Variants in ATP7B observed in about 807,000 individuals in gnomAD.
ATP7B encodes the protein copper-transporting ATPase 2.
ATP7B carries 113 observed loss-of-function variants against 118.9 expected under a neutral mutation model. The observed-to-expected ratio is 0.95, with a 90% CI of 0.82 to 1.11. The LOEUF (loss-of-function observed/expected upper bound fraction) is 1.11. ATP7B is among the 50% of genes most tolerant of loss of function. The pLI is 0.00. For synonymous variants in ATP7B, 777 were observed against 727.4 expected, an observed-to-expected ratio of 1.07 and a Z score of -1.10; for missense variants, 1,867 against 1,871.4, an observed-to-expected ratio of 1.00 and a Z score of 0.04.
At chr13:51,996,886 C>G (rs1210384312) in intron 1 of ATP7B, among the ~76,000 whole-genome samples, 2 of 152,228 alleles carry the variant, frequency 1.3e-5, no homozygotes, top group African/African-American at 4.8e-5. Flanking sequence ...TTCTTATCTC[C>G]TAAGTGCTCA....
chr13:51,967,480 T>G (rs952972353), intron 4 of ATP7B, among the ~76,000 whole-genome samples: 3 of 152,230 alleles, frequency 2.0e-5, no homozygotes, highest in African/African-American at 7.2e-5. Flanking sequence ...ATCCAGAGGT[T>G]TGCAGCAGAG....
intron 9 of ATP7B, among the ~76,000 whole-genome samples, chr13:51,952,824 G>C (rs751667531): frequency 5.9e-5 from 9 of 152,198 alleles, no homozygotes; most frequent in Non-Finnish European, 1.0e-4. Flanking sequence ...TACACAGTAA[G>C]TGCCCAATGA....
chr13:51,960,255 G>A lies in ATP7B; in HGVS notation c.2014C>T (p.Leu672=). 6.2e-7 allele frequency: 1 copy of A among 1,613,870 alleles called. No individual in the cohort carries two copies. The highest frequency in any genetic ancestry group is 8.5e-7 in the Non-Finnish European group (1 of 1,179,772). ...TGGTGGGGCTCGTTGCTGGGTATCA[G>A]CATATAGATCATTAAGGCCATGACA... ...IPVMALMIYM[L]IPSNEPHQSM... The change falls in exon 7 of 21, where the codon CTG becomes TTG. Residue 672 remains leucine, a synonymous_variant. Transcript: ENST00000242839.
chr13:51,970,161 A>T (rs1291623997), intron 3 of ATP7B, among the ~76,000 whole-genome samples: 1 of 152,198 alleles, frequency 6.6e-6, no homozygotes, highest in Non-Finnish European at 1.5e-5. Flanking sequence ...TTCATTTTAT[A>T]GTAAGGGGTT....
At chr13:52,009,146 C>G (rs1953909953) in intron 1 of ATP7B, among the ~76,000 whole-genome samples, 1 of 152,108 alleles carries the variant, frequency 6.6e-6, no homozygotes, top group South Asian at 2.1e-4. Context: ...TTACTAGTAC[C>G]TGAAATAAAG....
At chr13:51,966,775 C>T (rs539125258) in intron 4 of ATP7B, 487 of 1,599,328 alleles carry the variant, frequency 3.0e-4, no homozygotes, top group Non-Finnish European at 3.9e-4. Flanking sequence ...AGGAAGATGG[C>T]GCCTGCTGGA....
intron 9 of ATP7B, among the ~76,000 whole-genome samples, chr13:51,952,290 C>A (rs115748746): frequency 0.017 from 2,516 of 152,276 alleles, 74 homozygotes; most frequent in Admixed American, 0.085. Flanking sequence ...ATGGCATGGG[C>A]CCAACAGAAT....
At chr13:51,977,298 A>G (rs1952170887) in intron 1 of ATP7B, among the ~76,000 whole-genome samples, 1 of 151,664 alleles carries the variant, frequency 6.6e-6, no homozygotes, top group Non-Finnish European at 1.5e-5. Flanking sequence ...CACACTGGAC[A>G]GCTTTATCAA....
intron 12 of ATP7B, among the ~76,000 whole-genome samples, chr13:51,947,366 A>C (rs1264527099): frequency 1.3e-5 from 2 of 152,162 alleles, no homozygotes; most frequent in South Asian, 2.1e-4. Flanking sequence ...TTTTCTTTGT[A>C]CCCAAAACAA....
At chr13:51,951,140 A>G (rs1025115307) in intron 9 of ATP7B, among the ~76,000 whole-genome samples, 1 of 152,054 alleles carries the variant, frequency 6.6e-6, no homozygotes, top group Non-Finnish European at 1.5e-5. Context: ...AGGCTGTTGC[A>G]GCAGCCCAAG....
intron 16 of ATP7B, among the ~76,000 whole-genome samples, chr13:51,939,940 C>T (rs1258944226): frequency 2.0e-5 from 3 of 148,488 alleles, no homozygotes; most frequent in Non-Finnish European, 4.5e-5. Context: ...AAAGTAAAGA[C>T]TCTAATCTCT....
Position 51,958,430 on chromosome 13 carries a change from C to A in ATP7B, c.2236G>T (p.Val746Phe). 6.2e-7 allele frequency: 1 copy of A among 1,614,192 alleles called. No homozygotes were observed. The highest frequency in any genetic ancestry group is 8.5e-7 in the Non-Finnish European group (1 of 1,180,052). The change falls in exon 8 of 21, where the codon GTC (valine) becomes TTC (phenylalanine). Residue 746 changes from valine to phenylalanine, a missense_variant. Coordinates refer to ENST00000242839, the MANE Select transcript of ATP7B (RefSeq NM_000053.4). ...TCAGCCACAGCAACCACCAGGATGA[C>A]CAGAGAATAAACATAAGCAATGCTT... Reference protein sequence around the residue: ...ATSIAYVYSLVILVVAVAEKA... With the variant: ...ATSIAYVYSLFILVVAVAEKA...
Position 51,964,994 on chromosome 13 carries a change from C to T in ATP7B, c.1747G>A (p.Glu583Lys). The change falls in exon 5 of 21, where the codon GAG becomes AAG. Residue 583 changes from glutamate to lysine, a missense_variant. By Grantham distance (56) the Glu-to-Lys change is moderately conservative. Transcript: ENST00000242839. The stretch of plus-strand genomic sequence containing the variant: ...CCATTTGTCCTCGTGAGTTTGGACT[C>T]TATGTTGTGGACACAGGACGCGCAG... ...MTCASCVHNI[E>K]SKLTRTNGIT... The T allele has an allele frequency of 6.2e-7, 1 of 1,614,124 alleles. No homozygotes were observed. Among genetic ancestry groups the T allele is most frequent in the Non-Finnish European group, 8.5e-7 (1 of 1,180,042 alleles).
At position 52,011,399 on chromosome 13, in the gene ATP7B, G is replaced by A. The variant is rs1005428951; in HGVS notation, c.-62C>T. ...CTCAGAGCAAAAGGTCACCTGGTCGGTGGAGGAGAGCGGGGTGTTAAAGTC... is the reference window on the plus strand; with the variant it reads ...CTCAGAGCAAAAGGTCACCTGGTCGATGGAGGAGAGCGGGGTGTTAAAGTC... On this transcript the variant is annotated 5_prime_UTR_variant, in exon 1 of 21. Transcript: ENST00000242839. 12 of 1,610,494 alleles carry A rather than the reference G, an allele frequency of 7.5e-6. No individual in the cohort carries two copies. The African/African-American group carries it at 1.5e-4, about 20-fold the overall frequency.
Position 51,935,713 on chromosome 13 carries a change from C to T in ATP7B, c.4022-18G>A, listed in dbSNP as rs377356349. 63 of 1,601,226 alleles carry T rather than the reference C, an allele frequency of 3.9e-5. 1 individual carries two copies. In the South Asian group the frequency reaches 4.6e-4, roughly 12 times the overall value. On this transcript the variant is annotated intron_variant, in intron 19 of 20. Coordinates refer to ENST00000242839, the MANE Select transcript of ATP7B (RefSeq NM_000053.4). ...GAAGACACCTGGGGAAGAAAGAACT[C>T]GCACTCACACCTAGGTCTGGGGAGA...
intron 1 of ATP7B, among the ~76,000 whole-genome samples, chr13:52,001,385 T>C (rs1349294534): frequency 6.6e-6 from 1 of 152,226 alleles, no homozygotes; most frequent in Admixed American, 6.5e-5. Context: ...CCTGTAAGAC[T>C]ATACAGTTGC....
intron 1 of ATP7B, among the ~76,000 whole-genome samples, chr13:52,007,629 A>G (rs1953837262): frequency 6.6e-6 from 1 of 152,050 alleles, no homozygotes; most frequent in South Asian, 2.1e-4. Flanking sequence ...CAATTCCGAC[A>G]CCAACCATCT....
chr13:51,940,392 G>A (rs185855103), intron 16 of ATP7B, among the ~76,000 whole-genome samples: 1,488 of 146,948 alleles, frequency 0.01, 7 homozygotes, highest in South Asian at 0.016. Flanking sequence ...GGTGGCTCAC[G>A]CCTGTAATCC....
rs368589213 is a variant in ATP7B, at chr13:51,950,367, C to G, written c.2480G>C (p.Arg827Pro). 1 of 1,614,050 alleles carries G rather than the reference C, an allele frequency of 6.2e-7. No homozygotes were observed. Among genetic ancestry groups the G allele is most frequent in the Non-Finnish European group, 8.5e-7 (1 of 1,180,036 alleles). ...AGGGACCACCTTGACGATATCGCCC[C>G]GCTGCACCAGCTCCATGGGGACTTG... ...EEQVPMELVQRGDIVKVVPGG... is the reference protein window; with the variant it reads ...EEQVPMELVQPGDIVKVVPGG... The change falls in exon 10 of 21, where the codon CGG (arginine) becomes CCG (proline). Residue 827 changes from arginine (R) to proline (P), a missense_variant. By Grantham distance (103) the Arg-to-Pro change is moderately radical (BLOSUM62 -2). Transcript: ENST00000242839.
Sources: gnomAD v4.1 joint callset for allele counts (sites outside exome capture counted in the v4.1 genomes callset) on GRCh38, gnomAD v4.1.1 for gene constraint, MANE v1.5 for transcripts, NCBI Gene and HGNC (gene_info 2026-07-23, HGNC 2026-07-21) for gene names.